The following SGCZ variants were observed in gnomAD, a reference collection of about 807,000 sequenced individuals.
SGCZ encodes zeta-sarcoglycan.
SGCZ carries 40 observed loss-of-function variants against 41.3 expected under a neutral mutation model. That is an observed-to-expected ratio of 0.97 (90% CI 0.75 to 1.26). SGCZ has a LOEUF of 1.26. SGCZ is among the 50% of genes most tolerant of loss of function. The pLI is 0.00. For synonymous variants in SGCZ, 206 were observed against 137.5 expected, an observed-to-expected ratio of 1.50 and a Z score of -3.49; for missense variants, 552 against 369.8, an observed-to-expected ratio of 1.49 and a Z score of -4.04.
At chr8:14,491,253 G>C (rs964154791) in intron 2 of SGCZ, among the ~76,000 whole-genome samples, 15 of 151,884 alleles carry the variant, frequency 9.9e-5, no homozygotes, top group African/African-American at 3.6e-4. Flanking sequence ...ATACCACAAT[G>C]TAAACACACA....
intron 1 of SGCZ, among the ~76,000 whole-genome samples, chr8:15,143,184 A>C (rs7821571): frequency 8.7e-4 from 133 of 152,344 alleles, no homozygotes; most frequent in African/African-American, 3.1e-3. Flanking sequence ...AAATAAGAAA[A>C]AATTTCATTA....
intron 1 of SGCZ, among the ~76,000 whole-genome samples, chr8:15,224,875 C>T (rs1335666273): frequency 6.6e-6 from 1 of 152,066 alleles, no homozygotes; most frequent in East Asian, 1.9e-4. Flanking sequence ...AAAGTCATCA[C>T]CTATAAGTTT....
chr8:15,191,999 A>G lies in SGCZ; in HGVS notation c.39+45586T>C, dbSNP rs553270284. On this transcript the variant is annotated intron_variant, in intron 1 of 7. Transcript: ENST00000382080. Reference sequence around the variant, plus strand: ...CCTGTAAAAATTGCATAAAAGTAGTACCTACATCAAGGGAATGTGGTGAAG... The same window carrying G: ...CCTGTAAAAATTGCATAAAAGTAGTGCCTACATCAAGGGAATGTGGTGAAG... Among the ~76,000 whole-genome samples the G allele has an allele frequency of 3.3e-5, 5 of 152,188 alleles. No individual in the cohort carries two copies. In the South Asian group the frequency reaches 1.0e-3, roughly 32 times the overall value.
chr8:14,706,458 T>C (rs1809335323), intron 1 of SGCZ, among the ~76,000 whole-genome samples: 1 of 152,156 alleles, frequency 6.6e-6, no homozygotes, highest in Non-Finnish European at 1.5e-5. Flanking sequence ...CTCTATTCTA[T>C]GCCTTTTTGA....
At chr8:14,513,149 C>G (rs998634369) in intron 2 of SGCZ, among the ~76,000 whole-genome samples, 5 of 151,974 alleles carry the variant, frequency 3.3e-5, no homozygotes, top group Admixed American at 3.3e-4. Context: ...CTCAAGCAAT[C>G]CTCTTGCCTC....
intron 5 of SGCZ, among the ~76,000 whole-genome samples, chr8:14,149,977 A>G (rs1803649058): frequency 6.6e-6 from 1 of 152,110 alleles, no homozygotes; most frequent in Non-Finnish European, 1.5e-5. Context: ...TCCATACACC[A>G]AAGAATGAGA....
At chr8:14,096,942 GTGA>G (rs1323848712) in intron 7 of SGCZ, among the ~76,000 whole-genome samples, 5 of 152,082 alleles carry the variant, frequency 3.3e-5, no homozygotes, top group African/African-American at 1.2e-4. Context: ...GGGATCGGTG[GTGA>G]TATCCCCTTC....
chr8:15,222,102 C>T (rs1272410677), intron 1 of SGCZ, among the ~76,000 whole-genome samples: 2 of 152,098 alleles, frequency 1.3e-5, no homozygotes, highest in Non-Finnish European at 2.9e-5. Flanking sequence ...ACTATGAAAG[C>T]ATTTAAAAGA....
chr8:14,655,610 G>A (rs1035402616), intron 1 of SGCZ, among the ~76,000 whole-genome samples: 1 of 152,056 alleles, frequency 6.6e-6, no homozygotes, highest in Non-Finnish European at 1.5e-5. Context: ...ATAATATAGA[G>A]ACACCTTTAA....
At chr8:14,990,496 G>A (rs911447758) in intron 1 of SGCZ, among the ~76,000 whole-genome samples, 1 of 151,962 alleles carries the variant, frequency 6.6e-6, no homozygotes, top group African/African-American at 2.4e-5. Flanking sequence ...TCGTATTGGA[G>A]CGCAAACTCC....
intron 1 of SGCZ, among the ~76,000 whole-genome samples, chr8:14,580,713 C>T (rs993700715): frequency 1.3e-5 from 2 of 152,166 alleles, no homozygotes; most frequent in Non-Finnish European, 2.9e-5. Flanking sequence ...AATTATGGCT[C>T]ATTCATGTAC....
intron 5 of SGCZ, among the ~76,000 whole-genome samples, chr8:14,127,859 A>G (rs1020104490): frequency 2.0e-5 from 3 of 152,092 alleles, no homozygotes; most frequent in Non-Finnish European, 4.4e-5. Context: ...AAATTCTTTC[A>G]TCACCCAGGT....
At position 15,156,162 on chromosome 8, in the gene SGCZ, T is replaced by C. The variant is rs182218720; in HGVS notation, c.39+81423A>G. On this transcript the variant is annotated intron_variant, in intron 1 of 7. Coordinates refer to ENST00000382080, the MANE Select transcript of SGCZ (RefSeq NM_139167.4). ...TTTATAGGTAACTTTCATTTTTTTC[T>C]GTATGTTTCACTCCAGTTTTCAAGG... Among the ~76,000 whole-genome samples, 27 of 152,262 alleles carry C rather than the reference T, an allele frequency of 1.8e-4. No homozygotes were observed. The East Asian group carries it at 3.5e-3, about 20-fold the overall frequency.
chr8:14,188,642 A>G (rs1383389325), intron 4 of SGCZ, among the ~76,000 whole-genome samples: 1 of 152,112 alleles, frequency 6.6e-6, no homozygotes, highest in Non-Finnish European at 1.5e-5. Flanking sequence ...TTCTGTTAAT[A>G]TATTAAAAAC....
chr8:14,370,089 G>A (rs1366686320), intron 2 of SGCZ, among the ~76,000 whole-genome samples: 1 of 151,952 alleles, frequency 6.6e-6, no homozygotes, highest in East Asian at 1.9e-4. Flanking sequence ...CTCTGTGGAT[G>A]TAGTGGTAAG....
At chr8:14,792,073 C>T (rs1345141676) in intron 1 of SGCZ, among the ~76,000 whole-genome samples, 1 of 152,140 alleles carries the variant, frequency 6.6e-6, no homozygotes, top group African/African-American at 2.4e-5. Context: ...ACAGGAAACA[C>T]TGCATTAAGC....
At chr8:14,270,105 G>C (rs1318595548) in intron 3 of SGCZ, among the ~76,000 whole-genome samples, 2 of 152,128 alleles carry the variant, frequency 1.3e-5, no homozygotes. Context: ...GCCGAGGCAA[G>C]TGGAACCCCT....
intron 2 of SGCZ, among the ~76,000 whole-genome samples, chr8:14,336,556 A>G (rs1053712128): frequency 6.6e-5 from 10 of 152,150 alleles, no homozygotes; most frequent in African/African-American, 2.4e-4. Flanking sequence ...ACTCCCATCA[A>G]CAGTGTATAA....
At chr8:15,225,137 C>G (rs2117193748) in intron 1 of SGCZ, among the ~76,000 whole-genome samples, 1 of 152,268 alleles carries the variant, frequency 6.6e-6, no homozygotes, top group African/African-American at 2.4e-5. Context: ...AACATACACA[C>G]TCTTTTCAAG....
Sources: gnomAD v4.1 joint callset for allele counts (sites outside exome capture counted in the v4.1 genomes callset) on GRCh38, gnomAD v4.1.1 for gene constraint, MANE v1.5 for transcripts, NCBI Gene and HGNC (gene_info 2026-07-23, HGNC 2026-07-21) for gene names.